Variants in IL31 observed in about 807,000 individuals in gnomAD.
IL31 encodes the protein interleukin 31.
A neutral mutation model predicts 7.8 loss-of-function variants in IL31; 8 were observed. The ratio of observed to expected loss-of-function variants is 1.02; its 90% CI spans 0.60 to 1.84. The LOEUF is 1.84. Among genes scored for constraint, IL31 ranks in the 40% most tolerant of loss-of-function variants. The pLI is 0.00. For missense variants in IL31, 162 were observed against 205.6 expected (o/e 0.79, Z 1.30); for synonymous variants, 87 against 86.5 (o/e 1.01, Z -0.03).
rs1953493326 is a variant in IL31, at chr12:122,172,373, C to T, written c.*39G>A. The T allele has an allele frequency of 7.0e-7, 1 of 1,438,020 alleles. No homozygotes were observed. Among genetic ancestry groups the T allele is most frequent in the Non-Finnish European group, 9.6e-7 (1 of 1,038,788 alleles). 89.1% of individuals were successfully genotyped at this position (1,438,020 alleles called of 1,614,324 possible). ...TTAGCTGTCGGTCATCTTTTTAAGGCTCCTTAAGTTCCTGCCAATCCGAAA... is the reference window on the plus strand; with the variant it reads ...TTAGCTGTCGGTCATCTTTTTAAGGTTCCTTAAGTTCCTGCCAATCCGAAA... On this transcript the variant is annotated 3_prime_UTR_variant, in exon 3 of 3. Transcript: ENST00000377035.
intron 2 of IL31, among the ~76,000 whole-genome samples, chr12:122,173,580 A>G (rs1953508527): frequency 6.6e-6 from 1 of 151,874 alleles, no homozygotes; most frequent in Non-Finnish European, 1.5e-5. Context: ...GCTACTCGGG[A>G]GGCTGAGGCA....
rs1264526395 is a variant in IL31, at chr12:122,172,705, A to G, written c.202T>C (p.Tyr68His). Reference protein sequence around the residue: ...EEKGVLVSQNYTLPCLSPDAQ... With the variant: ...EEKGVLVSQNHTLPCLSPDAQ... ...TCAGGGCTGAGACACGGCAGCGTGT[A>G]ATTCTGGGACACGAGCACGCCCTTC... The change falls in exon 3 of 3, where the codon TAC (tyrosine) becomes CAC (histidine). Residue 68 changes from tyrosine to histidine, a missense_variant. Physicochemically the swap from Tyr to His is moderately conservative, Grantham distance 83. Coordinates refer to ENST00000377035, the MANE Select transcript of IL31 (RefSeq NM_001014336.2). 3 of 1,613,846 alleles carry G rather than the reference A, an allele frequency of 1.9e-6. No homozygotes were observed. In the East Asian group the frequency reaches 6.7e-5, roughly 36 times the overall value.
In IL31 at chr12:122,172,436, A is replaced by G. The variant is rs748311551; in HGVS notation, c.471T>C (p.Ser157=). 6.2e-6 allele frequency: 10 copies of G among 1,613,932 alleles called. No individual in the cohort carries two copies. Among genetic ancestry groups the G allele is most frequent in the Admixed American group, 3.3e-5 (2 of 60,008 alleles). ...CMDLALKSLT[S]GAQQATT is the part of the protein sequence containing the mutation. Reference sequence around the variant, plus strand: ...CTTAAGTGGTGGCCTGTTGGGCTCCAGAGGTCAATGATTTTAGTGCGAGGT... The same window carrying G: ...CTTAAGTGGTGGCCTGTTGGGCTCCGGAGGTCAATGATTTTAGTGCGAGGT... The change falls in exon 3 of 3, where the codon TCT becomes TCC. Residue 157 remains serine, a synonymous_variant. Coordinates refer to ENST00000377035, the MANE Select transcript of IL31 (RefSeq NM_001014336.2).
chr12:122,172,609 T>G lies in IL31; in HGVS notation c.298A>C (p.Asn100His). 1 of 1,614,150 alleles carries G rather than the reference T, an allele frequency of 6.2e-7. No individual in the cohort carries two copies. Among genetic ancestry groups the G allele is most frequent in the Non-Finnish European group, 8.5e-7 (1 of 1,180,034 alleles). The change falls in exon 3 of 3, where the codon AAC becomes CAC. Residue 100 changes from asparagine to histidine, a missense_variant. Coordinates refer to ENST00000377035, the MANE Select transcript of IL31 (RefSeq NM_001014336.2). ...AYLKTIRQLD[N>H]KSVIDEIIEH... ...ATGATCTCATCAATAACAGATTTGT[T>G]GTCTAGCTGTCTGATTGTCTTGAGA...
intron 2 of IL31, 149 bp from the exon 3 acceptor site, chr12:122,172,890 A>G (rs1953501810): frequency 4.4e-6 from 3 of 674,164 alleles, no homozygotes; most frequent in South Asian, 1.9e-5. Flanking sequence ...TGCCATCACC[A>G]ACCCCATTTC....
chr12:122,172,603 A>G lies in IL31; in HGVS notation c.304T>C (p.Ser102Pro). 6.2e-7 allele frequency: 1 copy of G among 1,614,036 alleles called. No homozygotes were observed. The highest frequency in any genetic ancestry group is 8.5e-7 in the Non-Finnish European group (1 of 1,180,006). ...LKTIRQLDNK[S>P]VIDEIIEHLD... Reference sequence around the variant, plus strand: ...TGCTCTATGATCTCATCAATAACAGATTTGTTGTCTAGCTGTCTGATTGTC... The same window carrying G: ...TGCTCTATGATCTCATCAATAACAGGTTTGTTGTCTAGCTGTCTGATTGTC... The change falls in exon 3 of 3, where the codon TCT becomes CCT. Residue 102 changes from serine to proline, a missense_variant. Ser to Pro is a moderately conservative substitution (Grantham distance 74). Coordinates refer to ENST00000377035, the MANE Select transcript of IL31 (RefSeq NM_001014336.2).
chr12:122,172,112 A>T lies in IL31; in HGVS notation c.*300T>A. ...ATTGACAACTCTTAGTACAATAAATATCAATAAATTAACATAGCTGCCACC... is the reference window on the plus strand; with the variant it reads ...ATTGACAACTCTTAGTACAATAAATTTCAATAAATTAACATAGCTGCCACC... On this transcript the variant is annotated 3_prime_UTR_variant, in exon 3 of 3. Transcript: ENST00000377035. 1 of 271,206 alleles carries T rather than the reference A, an allele frequency of 3.7e-6. No individual in the cohort carries two copies. Among genetic ancestry groups the T allele is most frequent in the Non-Finnish European group, 7.0e-6 (1 of 142,258 alleles). The allele number at this position is 271,206 out of a possible 1,614,324, so 16.8% of individuals were successfully genotyped here. A position where few individuals can be genotyped will look rare whatever the true frequency, so the allele number is the denominator to read the frequency against.
At chr12:122,173,056 GC>G (rs1953503366) in intron 2 of IL31, among the ~76,000 whole-genome samples, 1 of 152,104 alleles carries the variant, frequency 6.6e-6, no homozygotes, top group South Asian at 2.1e-4. Flanking sequence ...GCAGCTCCCC[GC>G]CCTTTGGGAC....
At position 122,173,975 on chromosome 12, in the gene IL31, G is replaced by A. The variant is rs1298166901; in HGVS notation, c.34C>T (p.Leu12Phe). 1.9e-6 allele frequency: 3 copies of A among 1,614,032 alleles called. No homozygotes were observed. Among genetic ancestry groups the A allele is most frequent in the Non-Finnish European group, 2.5e-6 (3 of 1,180,044 alleles). ...ASHSGPSTSV[L>F]FLFCCLGGWL... ...CCTCCCAGGCAGCAGAACAGAAAGAGCACAGACGTCGAGGGGCCTGGAGAG... is the reference window on the plus strand; with the variant it reads ...CCTCCCAGGCAGCAGAACAGAAAGAACACAGACGTCGAGGGGCCTGGAGAG... The change falls in exon 2 of 3, where the codon CTC (leucine) becomes TTC (phenylalanine). Residue 12 changes from leucine (L) to phenylalanine (F), a missense_variant. By Grantham distance (22) the Leu-to-Phe change is conservative (BLOSUM62 0). Transcript: ENST00000377035.
In IL31 at chr12:122,173,956, A is replaced by G; in HGVS notation, c.53T>C (p.Leu18Pro). The G allele has an allele frequency of 6.2e-7, 1 of 1,614,186 alleles. No homozygotes were observed. The highest frequency in any genetic ancestry group is 8.5e-7 in the Non-Finnish European group (1 of 1,180,032). Residue 18 changes from leucine to proline, a missense_variant, in exon 2 of 3, where the codon CTG becomes CCG. Transcript: ENST00000377035. ...CGTGTGGGAGGCCAGCCAGCCTCCCAGGCAGCAGAACAGAAAGAGCACAGA... is the reference window on the plus strand; with the variant it reads ...CGTGTGGGAGGCCAGCCAGCCTCCCGGGCAGCAGAACAGAAAGAGCACAGA... The part of the protein sequence containing the change: ...STSVLFLFCC[L>P]GGWLASHTLP...
Position 122,172,231 on chromosome 12 carries a change from T to C in IL31, c.*181A>G. 2 of 571,036 alleles carry C rather than the reference T, an allele frequency of 3.5e-6. No individual in the cohort carries two copies. Among genetic ancestry groups the C allele is most frequent in the Middle Eastern group, 8.7e-4 (2 of 2,288 alleles). The allele number at this position is 571,036 out of a possible 1,614,324, so 35.4% of individuals were successfully genotyped here. On this transcript the variant is annotated 3_prime_UTR_variant, in exon 3 of 3. Transcript: ENST00000377035. The stretch of plus-strand genomic sequence containing the variant: ...AGACTAATAACAATAACCTAATGTT[T>C]TTCAAGGTAATTCACAAATTCACAT...
At position 122,172,351 on chromosome 12, in the gene IL31, G is replaced by T; in HGVS notation, c.*61C>A. The T allele has an allele frequency of 8.3e-7, 1 of 1,198,882 alleles. No individual in the cohort carries two copies. The highest frequency in any genetic ancestry group is 1.2e-6 in the Non-Finnish European group (1 of 832,510). 74.3% of individuals were successfully genotyped at this position (1,198,882 alleles called of 1,614,324 possible). On this transcript the variant is annotated 3_prime_UTR_variant, in exon 3 of 3. Transcript: ENST00000377035. ...AATCACGGCAGAGTTCCCACACTTA[G>T]CTGTCGGTCATCTTTTTAAGGCTCC...
intron 2 of IL31, among the ~76,000 whole-genome samples, chr12:122,173,043 A>T (rs959047776): frequency 6.6e-6 from 1 of 152,098 alleles, no homozygotes; most frequent in Non-Finnish European, 1.5e-5. Context: ...CTGGCCTTCC[A>T]TGGCAGCTCC....
At chr12:122,173,500 G>A (rs1387431609) in intron 2 of IL31, among the ~76,000 whole-genome samples, 4 of 152,134 alleles carry the variant, frequency 2.6e-5, no homozygotes, top group Non-Finnish European at 4.4e-5. Context: ...CCTGGCCAAC[G>A]TGGAGAAACT....
chr12:122,172,145 C>T lies in IL31; in HGVS notation c.*267G>A, dbSNP rs1953490598. 1 of 346,852 alleles carries T rather than the reference C, an allele frequency of 2.9e-6. No individual in the cohort carries two copies. Among genetic ancestry groups the T allele is most frequent in the South Asian group, 4.1e-5 (1 of 24,330 alleles). 21.5% of individuals were successfully genotyped at this position (346,852 alleles called of 1,614,324 possible). ...ATTAACATAGCTGCCACCTCCCACC[C>T]TCACGAGGGTATAATAAGTAAGACT... On this transcript the variant is annotated 3_prime_UTR_variant, in exon 3 of 3. Coordinates refer to ENST00000377035, the MANE Select transcript of IL31 (RefSeq NM_001014336.2).
At position 122,172,322 on chromosome 12, in the gene IL31, A is replaced by G. The variant is rs1262191011; in HGVS notation, c.*90T>C. 3.2e-6 allele frequency: 3 copies of G among 924,628 alleles called. No individual in the cohort carries two copies. Among genetic ancestry groups the G allele is most frequent in the Non-Finnish European group, 5.0e-6 (3 of 595,050 alleles). 57.3% of individuals were successfully genotyped at this position (924,628 alleles called of 1,614,324 possible). A position where few individuals can be genotyped will look rare whatever the true frequency, so the allele number is the denominator to read the frequency against. On this transcript the variant is annotated 3_prime_UTR_variant, in exon 3 of 3. Transcript: ENST00000377035. ...GATTATTCATTGGAAAAATGTACTTAAGGAATCACGGCAGAGTTCCCACAC... is the reference window on the plus strand; with the variant it reads ...GATTATTCATTGGAAAAATGTACTTGAGGAATCACGGCAGAGTTCCCACAC...
At chr12:122,172,813 C>T in intron 2 of IL31, 72 bp from the exon 3 acceptor site, 1 of 1,213,304 alleles carries the variant, frequency 8.2e-7, no homozygotes, top group Non-Finnish European at 1.2e-6. Flanking sequence ...TGAATGTTTG[C>T]ATGCTTCCTC....
chr12:122,173,813 C>T (rs201593085), intron 2 of IL31, 31 bp downstream of exon 2: 85 of 1,597,614 alleles, frequency 5.3e-5, no homozygotes, highest in African/African-American at 2.8e-4. Context: ...TTTAAGAAAT[C>T]GTTTAGAAAA....
intron 2 of IL31, among the ~76,000 whole-genome samples, chr12:122,173,032 T>C (rs1413248138): frequency 6.6e-6 from 1 of 152,120 alleles, no homozygotes; most frequent in African/African-American, 2.4e-5. Context: ...TTGCAGCACA[T>C]CTGGCCTTCC....
Sources: gnomAD v4.1 joint callset for allele counts (sites outside exome capture counted in the v4.1 genomes callset) on GRCh38, gnomAD v4.1.1 for gene constraint, MANE v1.5 for transcripts, NCBI Gene and HGNC (gene_info 2026-07-23, HGNC 2026-07-21) for gene names.